TACR1: variants seen among roughly 807,000 people sequenced by gnomAD.
TACR1 encodes tachykinin receptor 1.
Under a neutral mutation model 35.8 loss-of-function variants are expected in TACR1, and 25 were observed. The ratio of observed to expected loss-of-function variants is 0.70; its 90% CI spans 0.51 to 0.98. TACR1 has a LOEUF of 0.98. Among genes scored for constraint, TACR1 ranks in the 50% least tolerant of loss-of-function variants. The pLI is 0.00. For missense variants in TACR1, 478 were observed against 522.9 expected, an observed-to-expected ratio of 0.91 and a Z score of 0.84; for synonymous variants, 195 against 206.7, an observed-to-expected ratio of 0.94 and a Z score of 0.48.
chr2:75,076,525 G>C (rs192795267), intron 2 of TACR1, among the ~76,000 whole-genome samples: 43 of 152,320 alleles, frequency 2.8e-4, no homozygotes, highest in African/African-American at 9.9e-4. Flanking sequence ...CCACTGGCGG[G>C]CTGACACTAA....
intron 1 of TACR1, among the ~76,000 whole-genome samples, chr2:75,145,025 A>G (rs1358795294): frequency 6.6e-6 from 1 of 152,202 alleles, no homozygotes; most frequent in African/African-American, 2.4e-5. Context: ...TTTGGAATGT[A>G]TTAACACAGC....
rs571263063 is a variant in TACR1 at position 75,122,211 on chromosome 2, GC to G, written c.390-1444del. 1.5e-4 allele frequency among the ~76,000 whole-genome samples: 23 copies of G among 152,318 alleles called. No homozygotes were observed. The East Asian group carries it at 4.4e-3, about 29-fold the overall frequency. On this transcript the variant is annotated intron_variant, in intron 1 of 4. Coordinates refer to ENST00000305249, the MANE Select transcript of TACR1 (RefSeq NM_001058.4). Reference sequence around the variant, plus strand: ...TTAGGGGAGCTGCGGAGACACTCAAGCCCTGGAATGGCAGGTGGTCTACTGG... The same window carrying G: ...TTAGGGGAGCTGCGGAGACACTCAAGCCTGGAATGGCAGGTGGTCTACTGG...
chr2:75,059,709 T>C (rs1672634421), intron 2 of TACR1, among the ~76,000 whole-genome samples: 1 of 152,224 alleles, frequency 6.6e-6, no homozygotes, highest in African/African-American at 2.4e-5. Context: ...CCTGGGATGG[T>C]CCTGCAAATG....
chr2:75,081,329 G>A (rs542521941), intron 2 of TACR1, among the ~76,000 whole-genome samples: 2 of 152,302 alleles, frequency 1.3e-5, no homozygotes, highest in East Asian at 3.9e-4. Flanking sequence ...GGGGTCCCAC[G>A]AAGGCTCTTC....
chr2:75,059,645 A>G (rs1486549795), intron 2 of TACR1, among the ~76,000 whole-genome samples: 2 of 152,238 alleles, frequency 1.3e-5, no homozygotes, highest in East Asian at 3.8e-4. Context: ...ACCTGTGGTC[A>G]CGTAGCTTTC....
intron 1 of TACR1, among the ~76,000 whole-genome samples, chr2:75,125,918 T>C (rs1674062070): frequency 6.6e-6 from 1 of 152,222 alleles, no homozygotes; most frequent in African/African-American, 2.4e-5. Context: ...TCAGTCTTTC[T>C]TAGTTTTTTA....
intron 2 of TACR1, among the ~76,000 whole-genome samples, chr2:75,100,974 G>T (rs1450074958): frequency 6.6e-6 from 1 of 151,812 alleles, no homozygotes; most frequent in East Asian, 1.9e-4. Context: ...GAAACAAAAG[G>T]AGACTTCCAT....
At chr2:75,187,160 TA>T (rs1675727651) in intron 1 of TACR1, 1 of 152,268 alleles carries the variant, frequency 6.6e-6, no homozygotes, top group Non-Finnish European at 1.5e-5. Flanking sequence ...TGGCTGAGAA[TA>T]TATTCCACAG....
chr2:75,112,467 A>G (rs553450840), intron 2 of TACR1, among the ~76,000 whole-genome samples: 13 of 152,232 alleles, frequency 8.5e-5, no homozygotes, highest in African/African-American at 2.9e-4. Flanking sequence ...ACTGTTTTCT[A>G]TATATCCTTA....
At chr2:75,083,590 C>T (rs1361054922) in intron 2 of TACR1, among the ~76,000 whole-genome samples, 1 of 152,158 alleles carries the variant, frequency 6.6e-6, no homozygotes, top group Non-Finnish European at 1.5e-5. Flanking sequence ...TTTGTATCCT[C>T]TTTTATTTCC....
At chr2:75,182,588 T>C (rs547353825) in intron 1 of TACR1, among the ~76,000 whole-genome samples, 4 of 152,344 alleles carry the variant, frequency 2.6e-5, no homozygotes, top group South Asian at 4.1e-4. Flanking sequence ...TATTGCCTAG[T>C]GATGTCGTAG....
Position 75,048,902 on chromosome 2 carries a change from T to C in TACR1, c.*530A>G, listed in dbSNP as rs1672411722. On this transcript the variant is annotated 3_prime_UTR_variant, in exon 5 of 5. Transcript: ENST00000305249. ...TGCCAAAAAGGGGAATACATATGTT[T>C]CTTTTCACAGATGCTTAGAAGACAG... The C allele has an allele frequency of 6.5e-6, 1 of 153,944 alleles. No individual in the cohort carries two copies. The highest frequency in any genetic ancestry group is 1.4e-5 in the Non-Finnish European group (1 of 69,304). The allele number at this position is 153,944 out of a possible 1,614,324, so 9.5% of individuals were successfully genotyped here. A position where few individuals can be genotyped will look rare whatever the true frequency, so the allele number is the denominator to read the frequency against.
At chr2:75,094,766 G>A (rs932744203) in intron 2 of TACR1, among the ~76,000 whole-genome samples, 49 of 150,718 alleles carry the variant, frequency 3.3e-4, no homozygotes, top group Admixed American at 2.0e-3. Flanking sequence ...TGCATTCAGC[G>A]TTCAAGGATG....
chr2:75,196,030 C>T (rs1675962569), intron 1 of TACR1, among the ~76,000 whole-genome samples: 1 of 152,138 alleles, frequency 6.6e-6, no homozygotes, highest in South Asian at 2.1e-4. Flanking sequence ...TTTTTGTGCT[C>T]TTCATATTTC....
intron 1 of TACR1, among the ~76,000 whole-genome samples, chr2:75,196,578 G>C (rs575732234): frequency 3.9e-4 from 60 of 152,232 alleles, no homozygotes; most frequent in Admixed American, 7.8e-4. Context: ...GCTCTGCGGT[G>C]GTTTACCTAG....
chr2:75,102,528 T>G (rs1673559154), intron 2 of TACR1, among the ~76,000 whole-genome samples: 1 of 152,206 alleles, frequency 6.6e-6, no homozygotes, highest in Non-Finnish European at 1.5e-5. Context: ...GAAGACTTAC[T>G]ATTTAAATCC....
chr2:75,187,406 T>A (rs199992020), intron 1 of TACR1: 1 of 41,590 alleles, frequency 2.4e-5, no homozygotes, highest in African/African-American at 4.7e-4. Flanking sequence ...CCCTTGGTGG[T>A]ATACCTGGGA....
intron 1 of TACR1, among the ~76,000 whole-genome samples, chr2:75,177,124 C>G (rs1257309419): frequency 6.6e-6 from 1 of 151,936 alleles, no homozygotes; most frequent in Non-Finnish European, 1.5e-5. Context: ...CCCACCACCA[C>G]TTCCAGAATT....
chr2:75,068,409 G>T (rs1319645775), intron 2 of TACR1, among the ~76,000 whole-genome samples: 1 of 152,122 alleles, frequency 6.6e-6, no homozygotes, highest in African/African-American at 2.4e-5. Context: ...ATGGACTAGG[G>T]TTTACCAAGT....
Sources: gnomAD v4.1 joint callset for allele counts (sites outside exome capture counted in the v4.1 genomes callset) on GRCh38, gnomAD v4.1.1 for gene constraint, MANE v1.5 for transcripts, NCBI Gene and HGNC (gene_info 2026-07-23, HGNC 2026-07-21) for gene names.